The following NLRP12 variants were observed in gnomAD, a reference collection of about 807,000 sequenced individuals.
NLRP12 encodes the protein NACHT, LRR and PYD domains-containing protein 12.
NLRP12 carries 108 observed loss-of-function variants against 91.2 expected under a neutral mutation model. The ratio of observed to expected loss-of-function variants is 1.18; its 90% CI spans 1.01 to 1.39. The LOEUF is 1.39. NLRP12 is among the 40% of genes most tolerant of loss of function. The pLI, the probability that NLRP12 is intolerant of heterozygous loss-of-function variation, is 0.00. For synonymous variants in NLRP12, 613 were observed against 566.7 expected (o/e 1.08, Z -1.16); for missense variants, 1,530 against 1,352.7 (o/e 1.13, Z -2.06).
Position 53,814,933 on chromosome 19 carries a change from T to C in NLRP12, c.345A>G (p.Glu115=). The C allele has an allele frequency of 6.2e-7, 1 of 1,614,064 alleles. No homozygotes were observed. Among genetic ancestry groups the C allele is most frequent in the Non-Finnish European group, 8.5e-7 (1 of 1,179,972 alleles). Residue 115 remains glutamate, a synonymous_variant, in exon 2 of 10, where the codon GAA becomes GAG. Coordinates refer to ENST00000324134, the MANE Select transcript of NLRP12 (RefSeq NM_144687.4). ...CTTTTCTTGGAGTGACAAGAGAGAC[T>C]TCCAGAAGGCATGTTGACTGGTTCC... is the stretch of plus-strand genomic sequence containing the variant. The part of the protein sequence containing the change: ...SLGNQSTCLL[E]VSLVTPRKDP...
rs371640804 is a variant in NLRP12 at position 53,807,619 on chromosome 19, C to G, written c.2119G>C (p.Ala707Pro). 6.2e-7 allele frequency: 1 copy of G among 1,614,180 alleles called. No homozygotes were observed. The highest frequency in any genetic ancestry group is 8.5e-7 in the Non-Finnish European group (1 of 1,180,028). Residue 707 changes from alanine (A) to proline (P), a missense_variant, in exon 4 of 10, where the codon GCG (alanine) becomes CCG (proline). Coordinates refer to ENST00000324134, the MANE Select transcript of NLRP12 (RefSeq NM_144687.4). ...LLDAYSEHLA[A>P]ALCTNPNLIE... ...AGGTTTGGATTGGTGCACAGGGCCG[C>G]TGCCAGATGTTCACTGTAGGCGTCC...
rs546706966 is a variant in NLRP12 at position 53,816,934 on chromosome 19, G to A, written c.290-1946C>T. Among the ~76,000 whole-genome samples, 9 of 152,162 alleles carry A rather than the reference G, an allele frequency of 5.9e-5. No homozygotes were observed. In the South Asian group the frequency reaches 1.9e-3, roughly 32 times the overall value. On this transcript the variant is annotated intron_variant, in intron 1 of 9. Transcript: ENST00000324134. ...GGGTATCGAGTTTGTTTTGCAAGATGAAGAGTTCTGCAGATTGAATGCACA... is the reference window on the plus strand; with the variant it reads ...GGGTATCGAGTTTGTTTTGCAAGATAAAGAGTTCTGCAGATTGAATGCACA...
intron 4 of NLRP12, among the ~76,000 whole-genome samples, chr19:53,806,614 G>A (rs2091961612): frequency 7.1e-6 from 1 of 140,100 alleles, no homozygotes; most frequent in South Asian, 2.4e-4. Flanking sequence ...CCAGGAGGCA[G>A]AGGTTGCAGT....
chr19:53,798,680 G>T (rs1419746546), intron 7 of NLRP12, among the ~76,000 whole-genome samples: 1 of 152,114 alleles, frequency 6.6e-6, no homozygotes, highest in East Asian at 1.9e-4. Context: ...AGGCTGGAGG[G>T]TTTTTTGAGG....
chr19:53,796,580 C>CACCAT (rs1417312274), intron 8 of NLRP12, among the ~76,000 whole-genome samples: 1 of 152,064 alleles, frequency 6.6e-6, no homozygotes, highest in Non-Finnish European at 1.5e-5. Flanking sequence ...GAGGGGATTT[C>CACCAT]ACCATGTTGG....
At chr19:53,798,781 G>T (rs749484800) in intron 7 of NLRP12, among the ~76,000 whole-genome samples, 1 of 151,988 alleles carries the variant, frequency 6.6e-6, no homozygotes, top group Admixed American at 6.6e-5. Context: ...CCCTCTTGTT[G>T]TCCAGGCTGG....
At chr19:53,805,753 G>A (rs909623527) in intron 4 of NLRP12, 2 of 395,852 alleles carry the variant, frequency 5.1e-6, no homozygotes, top group East Asian at 1.2e-4. Context: ...CCTGGGTCAA[G>A]TGATCCTCCC....
chr19:53,801,412 A>G lies in NLRP12; in HGVS notation c.2586-15T>C, dbSNP rs769187770. On this transcript the variant is annotated splice_polypyrimidine_tract_variant and intron_variant, in intron 6 of 9. Transcript: ENST00000324134. Reference sequence around the variant, plus strand: ...AGATCTTCAGCCTGCACAAAGTCCAATTCAACAAGCATTATGGAGGCTTTC... The same window carrying G: ...AGATCTTCAGCCTGCACAAAGTCCAGTTCAACAAGCATTATGGAGGCTTTC... 2 of 1,610,702 alleles carry G rather than the reference A, an allele frequency of 1.2e-6. No homozygotes were observed. The highest frequency in any genetic ancestry group is 1.7e-6 in the Non-Finnish European group (2 of 1,179,116).
rs1368960277 is a variant in NLRP12 at position 53,803,994 on chromosome 19, C to T, written c.2543G>A (p.Cys848Tyr). 6.2e-7 allele frequency: 1 copy of T among 1,614,168 alleles called. No individual in the cohort carries two copies. The highest frequency in any genetic ancestry group is 8.5e-7 in the Non-Finnish European group (1 of 1,180,026). Reference protein sequence around the residue: ...ALEDLGLRLLCQGLRHPVCRL... With the variant: ...ALEDLGLRLLYQGLRHPVCRL... ...GCAGACTGGGTGCCTCAGTCCCTGG[C>T]ATAGTAACCTCAGGCCCAAATCCTC... The change falls in exon 6 of 10, where the codon TGC becomes TAC. Residue 848 changes from cysteine (C) to tyrosine (Y), a missense_variant. Cys to Tyr is a radical substitution (Grantham distance 194, BLOSUM62 -2). Coordinates refer to ENST00000324134, the MANE Select transcript of NLRP12 (RefSeq NM_144687.4).
chr19:53,802,580 G>T (rs151193191), intron 6 of NLRP12, among the ~76,000 whole-genome samples: 3 of 151,770 alleles, frequency 2.0e-5, no homozygotes, highest in African/African-American at 7.2e-5. Context: ...GGTGGCAGGC[G>T]CCTGTAGTCC....
chr19:53,814,905 C>T lies in NLRP12; in HGVS notation c.370+3G>A, dbSNP rs775263566. 1.2e-6 allele frequency: 2 copies of T among 1,611,692 alleles called. No individual in the cohort carries two copies. ...ACATGTAGGTACATGGCTTGAGGCTCACCTTTTCTTGGAGTGACAAGAGAG... is the reference window on the plus strand; with the variant it reads ...ACATGTAGGTACATGGCTTGAGGCTTACCTTTTCTTGGAGTGACAAGAGAG... On this transcript the variant is annotated splice_donor_region_variant and intron_variant, in intron 2 of 9. Transcript: ENST00000324134.
intron 2 of NLRP12, among the ~76,000 whole-genome samples, chr19:53,813,299 CTTTTTTTTT>C (rs1160039078): frequency 3.5e-5 from 3 of 86,030 alleles, no homozygotes; most frequent in African/African-American, 9.6e-5. Flanking sequence ...TTTTTCTTTT[CTTTTTTTTT>C]TTTTTTTTTT....
chr19:53,824,210 G>C lies in NLRP12; in HGVS notation c.-36C>G. ...TGAGCCCCAAAGGAGAGGACCTGGA[G>C]GCTGAGATGCTCCTATGCACGGGAC... On this transcript the variant is annotated 5_prime_UTR_variant, in exon 1 of 10. Coordinates refer to ENST00000324134, the MANE Select transcript of NLRP12 (RefSeq NM_144687.4). The C allele has an allele frequency of 6.2e-7, 1 of 1,607,830 alleles. No individual in the cohort carries two copies. Among genetic ancestry groups the C allele is most frequent in the Non-Finnish European group, 8.5e-7 (1 of 1,177,146 alleles).
intron 3 of NLRP12, 57 bp downstream of exon 3, chr19:53,809,517 CAAAAAAAAAAAAA>C (rs3973672): frequency 1.2e-5 from 8 of 691,934 alleles, no homozygotes; most frequent in Admixed American, 3.5e-5. Context: ...GGCAACAGAG[CAAAAAAAAAAAAA>C]AAAAAAAAAA....
chr19:53,812,699 C>A (rs2092095326), intron 2 of NLRP12, among the ~76,000 whole-genome samples: 1 of 151,900 alleles, frequency 6.6e-6, no homozygotes, highest in South Asian at 2.1e-4. Context: ...CCAGCAGAGG[C>A]CCATGATAGC....
chr19:53,811,048 T>C lies in NLRP12; in HGVS notation c.611A>G (p.Glu204Gly). 6.2e-7 allele frequency: 1 copy of C among 1,612,708 alleles called. No homozygotes were observed. The highest frequency in any genetic ancestry group is 8.5e-7 in the Non-Finnish European group (1 of 1,178,840). ...GGTGCGCGGTGGCTCGGGGCGCTCC[T>C]CGTCTGGCTCAAAGAGGGTCTCTAT... ...IKIETLFEPDEERPEPPRTVV... is the reference protein window; with the variant it reads ...IKIETLFEPDGERPEPPRTVV... The change falls in exon 3 of 10, where the codon GAG becomes GGG. Residue 204 changes from glutamate (E) to glycine (G), a missense_variant. Glu to Gly is a moderately conservative substitution (Grantham distance 98, BLOSUM62 -2). Transcript: ENST00000324134.
chr19:53,810,806 C>G lies in NLRP12; in HGVS notation c.853G>C (p.Val285Leu). The G allele has an allele frequency of 1.2e-6, 2 of 1,614,126 alleles. No individual in the cohort carries two copies. The highest frequency in any genetic ancestry group is 1.7e-6 in the Non-Finnish European group (2 of 1,180,048). Residue 285 changes from valine to leucine, a missense_variant, in exon 3 of 10, where the codon GTT becomes CTT. Coordinates refer to ENST00000324134, the MANE Select transcript of NLRP12 (RefSeq NM_144687.4). ...PSAPLQELIR[V>L]PERLLFIIDG... is the part of the protein sequence containing the mutation. ...ATGATGAAAAGGAGGCGCTCGGGAA[C>G]TCGGATGAGCTCCTGGAGAGGCGCG...
Position 53,804,086 on chromosome 19 carries a change from C to T in NLRP12, c.2451G>A (p.Gln817=). 1 of 1,614,020 alleles carries T rather than the reference C, an allele frequency of 6.2e-7. No individual in the cohort carries two copies. The highest frequency in any genetic ancestry group is 8.5e-7 in the Non-Finnish European group (1 of 1,180,000). The change falls in exon 6 of 10, where the codon CAG becomes CAA. Residue 817 remains glutamine (Q), a synonymous_variant. Coordinates refer to ENST00000324134, the MANE Select transcript of NLRP12 (RefSeq NM_144687.4). ...RKCQLESGAC[Q]EMASVLGTNP... is the part of the protein sequence containing the mutation. ...TGGTGCCGAGCACAGAAGCCATCTC[C>T]TGACAAGCCCCGGACTCCAGCTGAC...
intron 9 of NLRP12, 120 bp from the exon 10 acceptor site, chr19:53,794,256 C>T (rs577137854): frequency 2.6e-6 from 2 of 772,788 alleles, no homozygotes; most frequent in South Asian, 2.8e-5. Flanking sequence ...AGAAATTCCA[C>T]CCAACGCTGC....
Sources: gnomAD v4.1 joint callset for allele counts (sites outside exome capture counted in the v4.1 genomes callset) on GRCh38, gnomAD v4.1.1 for gene constraint, MANE v1.5 for transcripts, NCBI Gene and HGNC (gene_info 2026-07-23, HGNC 2026-07-21) for gene names.